RBMS3: variants seen among roughly 807,000 people sequenced by gnomAD.
The protein encoded by RBMS3 is RNA-binding motif, single-stranded-interacting protein 3.
In RBMS3, 27 loss-of-function variants were observed where a neutral mutation model predicts 66.8. The ratio of observed to expected loss-of-function variants is 0.40; its 90% CI spans 0.30 to 0.56. RBMS3 has a LOEUF of 0.56. Among genes scored for constraint, RBMS3 ranks in the 20% least tolerant of loss-of-function variants. RBMS3 has a pLI of 0.40. For missense variants in RBMS3, 513 were observed against 549.5 expected, an observed-to-expected ratio of 0.93 and a Z score of 0.66; for synonymous variants, 188 against 183.0, an observed-to-expected ratio of 1.03 and a Z score of -0.22.
chr3:29,629,085 G>A (rs148026300), intron 4 of RBMS3, among the ~76,000 whole-genome samples: 8 of 152,082 alleles, frequency 5.3e-5, no homozygotes, highest in African/African-American at 1.9e-4. Flanking sequence ...GTATCTGGTT[G>A]GTAGCTGTTT....
At chr3:29,658,900 G>T (rs1333851205) in intron 4 of RBMS3, among the ~76,000 whole-genome samples, 1 of 152,206 alleles carries the variant, frequency 6.6e-6, no homozygotes, top group East Asian at 1.9e-4. Flanking sequence ...TCGGCTCACT[G>T]CAACCTCCGC....
intron 10 of RBMS3, among the ~76,000 whole-genome samples, chr3:29,914,914 G>T (rs1163346928): frequency 1.3e-5 from 2 of 151,660 alleles, no homozygotes; most frequent in African/African-American, 4.8e-5. Context: ...ATAGCCACTA[G>T]CCCAGCTAGT....
At chr3:29,959,747 A>T (rs1466593316) in intron 12 of RBMS3, among the ~76,000 whole-genome samples, 1 of 152,096 alleles carries the variant, frequency 6.6e-6, no homozygotes, top group Non-Finnish European at 1.5e-5. Context: ...ACACATCCTT[A>T]TTCACATGGC....
chr3:29,430,198 T>C (rs1407206687), intron 1 of RBMS3, among the ~76,000 whole-genome samples: 2 of 151,990 alleles, frequency 1.3e-5, no homozygotes, highest in East Asian at 3.9e-4. Flanking sequence ...CCTGAATCAA[T>C]CAGTGCATCA....
intron 4 of RBMS3, among the ~76,000 whole-genome samples, chr3:29,611,985 G>A (rs2048507336): frequency 6.6e-6 from 1 of 151,856 alleles, no homozygotes; most frequent in Admixed American, 6.6e-5. Context: ...TAATTCCTGG[G>A]TCTCACCCAC....
chr3:29,873,121 G>C (rs1281503913), intron 7 of RBMS3, among the ~76,000 whole-genome samples: 1 of 151,910 alleles, frequency 6.6e-6, no homozygotes, highest in Admixed American at 6.6e-5. Flanking sequence ...TTTTTTTCTA[G>C]TTCTGTGAAT....
At chr3:29,647,314 C>G (rs1422279622) in intron 4 of RBMS3, among the ~76,000 whole-genome samples, 1 of 152,040 alleles carries the variant, frequency 6.6e-6, no homozygotes, top group Non-Finnish European at 1.5e-5. Context: ...AATCTGAATG[C>G]CCAGGGAGAT....
At chr3:29,709,595 A>G (rs2053066987) in intron 4 of RBMS3, among the ~76,000 whole-genome samples, 1 of 152,208 alleles carries the variant, frequency 6.6e-6, no homozygotes, top group Non-Finnish European at 1.5e-5. Context: ...TGCCTTCATT[A>G]TCAGTACTCA....
At chr3:29,776,053 C>T (rs542857584) in intron 6 of RBMS3, among the ~76,000 whole-genome samples, 13 of 151,942 alleles carry the variant, frequency 8.6e-5, no homozygotes, top group African/African-American at 2.4e-4. Flanking sequence ...TTTTAAAGGA[C>T]GCAACTCAAT....
At chr3:29,651,382 G>A (rs898025907) in intron 4 of RBMS3, among the ~76,000 whole-genome samples, 1 of 152,132 alleles carries the variant, frequency 6.6e-6, no homozygotes, top group Admixed American at 6.5e-5. Flanking sequence ...AGTGTCTAAC[G>A]TGATTATTAT....
intron 6 of RBMS3, among the ~76,000 whole-genome samples, chr3:29,864,118 TG>T: frequency 6.6e-6 from 1 of 152,316 alleles, no homozygotes; most frequent in South Asian, 2.1e-4. Context: ...ATATGGGATC[TG>T]GAAAAGGGAA....
intron 6 of RBMS3, among the ~76,000 whole-genome samples, chr3:29,781,270 C>A: frequency 6.9e-6 from 1 of 144,396 alleles, no homozygotes; most frequent in East Asian, 2.2e-4. Flanking sequence ...TTCTCTTTTC[C>A]AGAATGTTTA....
chr3:29,634,325 G>T (rs2049394218), intron 4 of RBMS3, among the ~76,000 whole-genome samples: 2 of 151,972 alleles, frequency 1.3e-5, no homozygotes, highest in African/African-American at 4.8e-5. Flanking sequence ...GAGAGATCAT[G>T]AACTATCTTT....
chr3:29,577,059 G>A (rs1559482231), intron 3 of RBMS3, among the ~76,000 whole-genome samples: 1 of 152,156 alleles, frequency 6.6e-6, no homozygotes, highest in Admixed American at 6.5e-5. Flanking sequence ...AAGGCCCATA[G>A]CAAACAACCT....
chr3:29,721,853 T>C (rs2053656185), intron 4 of RBMS3, among the ~76,000 whole-genome samples: 1 of 152,198 alleles, frequency 6.6e-6, no homozygotes, highest in Non-Finnish European at 1.5e-5. Flanking sequence ...ATGCCTGGAA[T>C]CCAGTTTGAA....
intron 3 of RBMS3, among the ~76,000 whole-genome samples, chr3:29,499,307 C>T (rs1441305627): frequency 2.0e-5 from 3 of 152,090 alleles, no homozygotes; most frequent in African/African-American, 7.2e-5. Context: ...TTCTAAATAG[C>T]TATTCTTTTT....
intron 4 of RBMS3, among the ~76,000 whole-genome samples, chr3:29,699,040 C>T (rs1463424695): frequency 6.6e-6 from 1 of 152,050 alleles, no homozygotes; most frequent in Non-Finnish European, 1.5e-5. Flanking sequence ...AACCATTTCC[C>T]AATTGATAGG....
chr3:29,329,895 AAT>A (rs939844457), intron 1 of RBMS3, among the ~76,000 whole-genome samples: 3 of 147,844 alleles, frequency 2.0e-5, no homozygotes, highest in Non-Finnish European at 3.0e-5. Context: ...CTATATAATT[AAT>A]ATATATATTA....
chr3:29,295,148 A>G (rs1440144100), intron 1 of RBMS3, among the ~76,000 whole-genome samples: 1 of 151,100 alleles, frequency 6.6e-6, no homozygotes. Flanking sequence ...ACAAACTGTG[A>G]TTTTGGTTTG....
Sources: gnomAD v4.1 joint callset for allele counts (sites outside exome capture counted in the v4.1 genomes callset) on GRCh38, gnomAD v4.1.1 for gene constraint, MANE v1.5 for transcripts, NCBI Gene and HGNC (gene_info 2026-07-23, HGNC 2026-07-21) for gene names.